The following DMD variants were observed in gnomAD, a reference collection of about 807,000 sequenced individuals.
DMD encodes the protein dystrophin.
In DMD, 63 loss-of-function variants were observed where a neutral mutation model predicts 330.1. The ratio of observed to expected loss-of-function variants is 0.19; its 90% CI spans 0.16 to 0.24. The LOEUF is 0.24. Among genes scored for constraint, DMD ranks in the 10% least tolerant of loss-of-function variants. DMD has a pLI of 1.00. For synonymous variants in DMD, 1,223 were observed against 959.8 expected, an observed-to-expected ratio of 1.27 and a Z score of -5.07; for missense variants, 3,344 against 2,684.1, an observed-to-expected ratio of 1.25 and a Z score of -5.43.
chrX:31,811,013 T>A (rs1382699005), intron 50 of DMD, among the ~76,000 whole-genome samples: 3 of 111,984 alleles, frequency 2.7e-5, no homozygotes, highest in Non-Finnish European at 5.6e-5. Context: ...AAATCTCTAA[T>A]CATCAGAATT....
intron 13 of DMD, among the ~76,000 whole-genome samples, chrX:32,576,713 A>G (rs1220957900): frequency 4.1e-5 from 4 of 98,277 alleles, no homozygotes; most frequent in African/African-American, 1.5e-4. Context: ...AAGGAGAGCA[A>G]AACCATGGAT....
chrX:32,190,932 T>C (rs1237633243), intron 44 of DMD, among the ~76,000 whole-genome samples: 1 of 109,889 alleles, frequency 9.1e-6, no homozygotes, highest in Non-Finnish European at 1.9e-5. Context: ...TCTTCTGCTC[T>C]GTACCTCTCT....
At chrX:32,444,473 A>AT (rs1441224952) in intron 27 of DMD, among the ~76,000 whole-genome samples, 1 of 111,294 alleles carries the variant, frequency 9.0e-6, no homozygotes, top group Non-Finnish European at 1.9e-5. Flanking sequence ...ATTCACTTCC[A>AT]TTAGAGGGAG....
chrX:32,572,844 C>A (rs768715768), intron 15 of DMD, among the ~76,000 whole-genome samples: 3 of 111,048 alleles, frequency 2.7e-5, no homozygotes, highest in African/African-American at 6.5e-5. Context: ...TGGCTTAGCA[C>A]AATCCCTTTC....
chrX:32,406,610 G>A (rs1017619834), intron 30 of DMD, among the ~76,000 whole-genome samples: 9 of 111,113 alleles, frequency 8.1e-5, no homozygotes, highest in Non-Finnish European at 1.5e-4. Context: ...AGCCCACTTG[G>A]TCATGGTGCA....
chrX:31,600,222 C>T (rs1441952099), intron 55 of DMD, among the ~76,000 whole-genome samples: 4 of 112,149 alleles, frequency 3.6e-5, no homozygotes, highest in Non-Finnish European at 7.5e-5. Flanking sequence ...CATGAGCCAT[C>T]GCACCCCAAG....
chrX:32,243,755 C>G (rs923991762), intron 43 of DMD, among the ~76,000 whole-genome samples: 1 of 111,232 alleles, frequency 9.0e-6, no homozygotes, highest in Non-Finnish European at 1.9e-5. Flanking sequence ...GAAAATTTAA[C>G]AAGTATTTCC....
At chrX:31,461,503 C>A (rs1290842564) in intron 59 of DMD, among the ~76,000 whole-genome samples, 1 of 111,827 alleles carries the variant, frequency 8.9e-6, no homozygotes, top group Non-Finnish European at 1.9e-5. Flanking sequence ...GATGTCTGGA[C>A]ATGTCTGAAT....
chrX:33,031,772 AAAAC>A (rs769836544), intron 1 of DMD, among the ~76,000 whole-genome samples: 14 of 110,555 alleles, frequency 1.3e-4, no homozygotes, highest in Admixed American at 6.8e-4. Context: ...CTCCATCTCA[AAAAC>A]AAACAAACAA....
intron 78 of DMD, among the ~76,000 whole-genome samples, chrX:31,124,644 T>C (rs2033367628): frequency 8.9e-6 from 1 of 112,008 alleles, no homozygotes; most frequent in Non-Finnish European, 1.9e-5. Flanking sequence ...TAATCCATTC[T>C]TAAGGATTAT....
chrX:32,401,334 T>TAA (rs60364627), intron 30 of DMD, among the ~76,000 whole-genome samples: 2 of 109,369 alleles, frequency 1.8e-5, no homozygotes, highest in Admixed American at 9.8e-5. Flanking sequence ...AGTATAATAA[T>TAA]AAAAAAAAGA....
intron 7 of DMD, among the ~76,000 whole-genome samples, chrX:32,736,118 C>A (rs1427088281): frequency 2.7e-5 from 3 of 112,169 alleles, no homozygotes; most frequent in African/African-American, 6.5e-5. Context: ...CATGAACAGA[C>A]AATTCTCAAA....
At chrX:32,190,004 A>G (rs1254636912) in intron 44 of DMD, among the ~76,000 whole-genome samples, 1 of 111,075 alleles carries the variant, frequency 9.0e-6, no homozygotes, top group African/African-American at 3.3e-5. Flanking sequence ...CTTAGATGTT[A>G]CTTCCTCATA....
At chrX:31,388,650 C>T (rs1432492471) in intron 60 of DMD, among the ~76,000 whole-genome samples, 4 of 111,606 alleles carry the variant, frequency 3.6e-5, no homozygotes, top group Non-Finnish European at 7.5e-5. Flanking sequence ...GCCTGTAATC[C>T]CAGCACTTTA....
chrX:31,120,157 TTGAA>T lies in DMD; in HGVS notation c.*1758_*1761del, dbSNP rs751300992. 569 of 111,277 alleles carry T rather than the reference TTGAA, an allele frequency of 5.1e-3. 4 individuals carry two copies. The highest frequency in any genetic ancestry group is 7.6e-3 in the Non-Finnish European group (400 of 52,687). The allele number at this position is 111,277 out of a possible 1,213,427, so 9.2% of individuals were successfully genotyped here. On this transcript the variant is annotated 3_prime_UTR_variant, in exon 79 of 79. Transcript: ENST00000357033. ...ATTATAGGTCACACGGTGGTATCTA[TTGAA>T]TGAATGATTTAAAAATCAAAAAGAA...
chrX:31,508,592 T>C (rs905239236), intron 55 of DMD: 4 of 127,258 alleles, frequency 3.1e-5, no homozygotes, highest in Non-Finnish European at 6.3e-5. Context: ...CCCAGCAGAA[T>C]AGTCAAAGCC....
At chrX:32,539,522 A>T (rs2048305158) in intron 17 of DMD, among the ~76,000 whole-genome samples, 1 of 111,608 alleles carries the variant, frequency 9.0e-6, no homozygotes. Context: ...GAACATTAAA[A>T]AAAAAAAGTT....
intron 13 of DMD, 63 bp downstream of exon 13, chrX:32,595,694 A>C: frequency 9.0e-7 from 1 of 1,111,233 alleles, no homozygotes; most frequent in Non-Finnish European, 1.2e-6. Flanking sequence ...AATTTTTAAA[A>C]TACTTTTCAA....
At chrX:31,743,209 G>C (rs186449833) in intron 51 of DMD, among the ~76,000 whole-genome samples, 56 of 112,458 alleles carry the variant, frequency 5.0e-4, no homozygotes, top group Admixed American at 1.0e-3. Flanking sequence ...AGATGCTGCT[G>C]ACGCTGTAGA....
Sources: gnomAD v4.1 joint callset for allele counts (sites outside exome capture counted in the v4.1 genomes callset) on GRCh38, gnomAD v4.1.1 for gene constraint, MANE v1.5 for transcripts, NCBI Gene and HGNC (gene_info 2026-07-23, HGNC 2026-07-21) for gene names.